LEPR: variants seen among roughly 807,000 people sequenced by gnomAD.
LEPR encodes the protein leptin receptor.
Under a neutral mutation model 114.7 loss-of-function variants are expected in LEPR, and 56 were observed. That is an observed-to-expected ratio of 0.49 (90% CI 0.39 to 0.61). The LOEUF (loss-of-function observed/expected upper bound fraction) is 0.61. Ranked by LOEUF, LEPR falls within the 20% of genes least tolerant of loss-of-function variation. The probability of loss-of-function intolerance (pLI) is 0.00; values close to 1 mark genes in which losing one functional copy is unlikely to be tolerated. For missense variants in LEPR, 1,202 were observed against 1,352.9 expected (o/e 0.89, Z 1.75); for synonymous variants, 443 against 461.4 (o/e 0.96, Z 0.51).
chr1:65,473,618 TA>T (rs1240838249), intron 2 of LEPR, among the ~76,000 whole-genome samples: 7 of 152,226 alleles, frequency 4.6e-5, no homozygotes, highest in Non-Finnish European at 1.0e-4. Context: ...CAACATTCAT[TA>T]GCTGTCAGAT....
intron 2 of LEPR, among the ~76,000 whole-genome samples, chr1:65,507,564 A>C (rs1474008134): frequency 3.4e-5 from 5 of 147,660 alleles, no homozygotes; most frequent in Non-Finnish European, 7.5e-5. Flanking sequence ...CACACACACA[A>C]CATTAAAAAA....
intron 16 of LEPR, among the ~76,000 whole-genome samples, chr1:65,618,484 C>T (rs1367827429): frequency 6.6e-6 from 1 of 151,894 alleles, no homozygotes; most frequent in East Asian, 1.9e-4. Context: ...CACCATCACA[C>T]CCAGCTAATT....
At chr1:65,611,626 C>T (rs1657175408) in intron 14 of LEPR, among the ~76,000 whole-genome samples, 1 of 152,198 alleles carries the variant, frequency 6.6e-6, no homozygotes, top group African/African-American at 2.4e-5. Flanking sequence ...TACCCTCTCC[C>T]ATTGCAATAT....
At chr1:65,492,165 G>C (rs1159345824) in intron 2 of LEPR, among the ~76,000 whole-genome samples, 2 of 152,018 alleles carry the variant, frequency 1.3e-5, no homozygotes, top group Non-Finnish European at 2.9e-5. Flanking sequence ...GTGCACAAGT[G>C]GGGGTAAAAG....
intron 19 of LEPR, among the ~76,000 whole-genome samples, chr1:65,632,236 G>A (rs1205302776): frequency 1.3e-5 from 2 of 152,096 alleles, no homozygotes; most frequent in Non-Finnish European, 2.9e-5. Context: ...CCAAATGTGT[G>A]GAAGAGCTGG....
Position 65,525,349 on chromosome 1 carries a change from G to C in LEPR, c.-20-40197G>C, listed in dbSNP as rs576369718. Among the ~76,000 whole-genome samples the C allele has an allele frequency of 2.3e-4, 35 of 152,196 alleles. No homozygotes were observed. In the East Asian group the frequency reaches 6.0e-3, roughly 26 times the overall value. ...ACCGACGCGGGTCCGGGGTGGGGGG[G>C]TACTGCCAGGGAACTCGCGGCACCG... On this transcript the variant is annotated intron_variant, in intron 2 of 19. Coordinates refer to ENST00000349533, the MANE Select transcript of LEPR (RefSeq NM_002303.6).
chr1:65,566,769 T>C (rs1653792553), intron 3 of LEPR, among the ~76,000 whole-genome samples: 1 of 152,236 alleles, frequency 6.6e-6, no homozygotes, highest in Admixed American at 6.5e-5. Flanking sequence ...TACCCCAATC[T>C]AAAGGGGCTC....
In LEPR at chr1:65,638,701, A is replaced by G. The variant is rs921106263; in HGVS notation, c.*1686A>G. ...ATAATCAATTTCCACTCAGGAATCA[A>G]TAAAGTTATTCCATGTCATAAGTAT... On this transcript the variant is annotated 3_prime_UTR_variant, in exon 20 of 20. Coordinates refer to ENST00000349533, the MANE Select transcript of LEPR (RefSeq NM_002303.6). 2 of 152,318 alleles carry G rather than the reference A, an allele frequency of 1.3e-5. No homozygotes were observed. The highest frequency in any genetic ancestry group is 2.9e-5 in the Non-Finnish European group (2 of 68,032). 9.4% of individuals were successfully genotyped at this position (152,318 alleles called of 1,614,324 possible).
At chr1:65,533,193 A>G (rs1178231435) in intron 2 of LEPR, among the ~76,000 whole-genome samples, 4 of 152,140 alleles carry the variant, frequency 2.6e-5, no homozygotes, top group African/African-American at 7.2e-5. Context: ...TACATCTCAT[A>G]TTAGGGAAGA....
chr1:65,558,549 G>GTTTTTTTTTTT (rs1189982161), intron 2 of LEPR, among the ~76,000 whole-genome samples: 1 of 9,118 alleles, frequency 1.1e-4, no homozygotes, highest in Non-Finnish European at 1.9e-4. Flanking sequence ...TTTTTTTTTT[G>GTTTTTTTTTTT]TTTTTTTTTT....
At chr1:65,488,258 T>TTCTC in intron 2 of LEPR, among the ~76,000 whole-genome samples, 1 of 129,944 alleles carries the variant, frequency 7.7e-6, no homozygotes, top group Non-Finnish European at 1.7e-5. Flanking sequence ...CTTTCTTTCT[T>TTCTC]TTCTTTCTCT....
chr1:65,426,839 A>G (rs1206746873), intron 2 of LEPR, among the ~76,000 whole-genome samples: 4 of 152,192 alleles, frequency 2.6e-5, no homozygotes, highest in Non-Finnish European at 5.9e-5. Flanking sequence ...TCTACTAAAA[A>G]TACAAAAAAT....
intron 14 of LEPR, among the ~76,000 whole-genome samples, chr1:65,613,730 G>A (rs1657332670): frequency 2.2e-5 from 1 of 45,556 alleles, no homozygotes; most frequent in South Asian, 7.1e-4. Flanking sequence ...TCCGCAGTCC[G>A]GCCTGGGCAA....
At chr1:65,617,521 CTTG>C (rs1285437260) in intron 15 of LEPR, among the ~76,000 whole-genome samples, 1 of 152,226 alleles carries the variant, frequency 6.6e-6, no homozygotes, top group Non-Finnish European at 1.5e-5. Context: ...TGCGTTGAGA[CTTG>C]GCCCTCAGGG....
intron 11 of LEPR, among the ~76,000 whole-genome samples, chr1:65,608,376 G>T (rs1048226234): frequency 1.3e-5 from 2 of 151,862 alleles, no homozygotes; most frequent in African/African-American, 4.8e-5. Flanking sequence ...GACTACAGGC[G>T]CCCGCCACCA....
Position 65,502,104 on chromosome 1 carries a change from A to G in LEPR, c.-20-63442A>G, listed in dbSNP as rs984282849. On this transcript the variant is annotated intron_variant, in intron 2 of 19. Transcript: ENST00000349533. ...TGAATTGTACATTCCCCAAATTTCT[A>G]TGTTGAAACCCCAACGCCCAGTACA... Among the ~76,000 whole-genome samples the G allele has an allele frequency of 3.9e-5, 6 of 152,266 alleles. No individual in the cohort carries two copies. In the South Asian group the frequency reaches 8.3e-4, roughly 21 times the overall value.
chr1:65,544,044 A>C (rs1265074043), intron 2 of LEPR, among the ~76,000 whole-genome samples: 2 of 152,022 alleles, frequency 1.3e-5, no homozygotes, highest in African/African-American at 4.8e-5. Flanking sequence ...TGAATCTATA[A>C]ATTACTTTGG....
chr1:65,615,437 T>C (rs553476817), intron 14 of LEPR, among the ~76,000 whole-genome samples: 3 of 152,288 alleles, frequency 2.0e-5, no homozygotes, highest in Middle Eastern at 3.4e-3. Context: ...TGGGGTGCCA[T>C]AGACACTGTT....
chr1:65,451,604 T>G (rs1206232888), intron 2 of LEPR, among the ~76,000 whole-genome samples: 2 of 152,216 alleles, frequency 1.3e-5, no homozygotes, highest in Non-Finnish European at 2.9e-5. Flanking sequence ...GCAGCATTAT[T>G]TCTGAGGGCT....
Sources: allele counts gnomAD v4.1 joint callset (sites outside exome capture counted in the v4.1 genomes callset), GRCh38; gene constraint gnomAD v4.1.1; transcripts MANE v1.5; gene names NCBI Gene and HGNC (gene_info 2026-07-23, HGNC 2026-07-21).